The following SUPT3H variants were observed in gnomAD, a reference collection of about 807,000 sequenced individuals.
SUPT3H encodes the protein SPT3 homolog, SAGA and STAGA complex component.
SUPT3H carries 44 observed loss-of-function variants against 44.3 expected under a neutral mutation model. The ratio of observed to expected loss-of-function variants is 0.99; its 90% CI spans 0.78 to 1.28. The LOEUF (loss-of-function observed/expected upper bound fraction) is 1.28, where lower values mean the gene tolerates loss of function less well. Ranked by LOEUF, SUPT3H falls within the 50% of genes most tolerant of loss-of-function variation. The pLI, the probability that SUPT3H is intolerant of heterozygous loss-of-function variation, is 0.00. For missense variants in SUPT3H, 380 were observed against 387.1 expected, an observed-to-expected ratio of 0.98 and a Z score of 0.15; for synonymous variants, 124 against 125.6, an observed-to-expected ratio of 0.99 and a Z score of 0.09.
At chr6:44,887,487 T>A (rs1388153432) in intron 10 of SUPT3H, among the ~76,000 whole-genome samples, 18 of 152,142 alleles carry the variant, frequency 1.2e-4, no homozygotes, top group Admixed American at 1.0e-3. Flanking sequence ...CTCAAGTACA[T>A]GGAAACTGAA....
rs547930338 is a variant in SUPT3H at position 44,889,935 on chromosome 6, A to G, written c.912+42718T>C. On this transcript the variant is annotated intron_variant, in intron 10 of 10. Transcript: ENST00000371459. ...TTACAAGAAAAAAACAAACAACCCC[A>G]TCAAAAAGTGGGCGGACATGAACAG... Among the ~76,000 whole-genome samples the G allele has an allele frequency of 2.0e-3, 301 of 151,498 alleles. 3 individuals are homozygous for G. Among genetic ancestry groups the G allele is most frequent in the African/African-American group, 6.9e-3 (287 of 41,506 alleles).
chr6:44,896,616 T>C (rs1405281023), intron 10 of SUPT3H, among the ~76,000 whole-genome samples: 1 of 152,216 alleles, frequency 6.6e-6, no homozygotes, highest in Non-Finnish European at 1.5e-5. Context: ...ATTGGTTAAC[T>C]GCAGACGTCA....
intron 2 of SUPT3H, among the ~76,000 whole-genome samples, chr6:45,245,464 C>T (rs1036368576): frequency 3.3e-5 from 5 of 152,182 alleles, no homozygotes; most frequent in Middle Eastern, 3.4e-3. Context: ...CCTCCTCTAG[C>T]GCCTGGTAAT....
At chr6:44,991,056 T>C (rs1780548970) in intron 6 of SUPT3H, among the ~76,000 whole-genome samples, 1 of 151,992 alleles carries the variant, frequency 6.6e-6, no homozygotes, top group Non-Finnish European at 1.5e-5. Flanking sequence ...TAGTCATGAC[T>C]GTCTTCTACT....
At chr6:44,840,760 A>G (rs548236865) in intron 10 of SUPT3H, among the ~76,000 whole-genome samples, 2 of 152,324 alleles carry the variant, frequency 1.3e-5, no homozygotes, top group Middle Eastern at 3.4e-3. Context: ...TGATTTTGCT[A>G]ATTTATTCAA....
intron 10 of SUPT3H, among the ~76,000 whole-genome samples, chr6:44,877,468 CA>C (rs5875897): frequency 0.34 from 41,837 of 121,998 alleles, 5,841 homozygotes; most frequent in Admixed American, 0.41. Flanking sequence ...GACTCAGTCT[CA>C]AAAAAAAAAA....
intron 2 of SUPT3H, among the ~76,000 whole-genome samples, chr6:45,184,646 G>T (rs1813856334): frequency 1.3e-5 from 2 of 151,902 alleles, no homozygotes; most frequent in South Asian, 4.2e-4. Flanking sequence ...AAAGAAGGCT[G>T]GCTGCCTAGG....
At chr6:45,092,982 C>T (rs1797337130) in intron 3 of SUPT3H, among the ~76,000 whole-genome samples, 1 of 151,980 alleles carries the variant, frequency 6.6e-6, no homozygotes, top group African/African-American at 2.4e-5. Flanking sequence ...TGTTCCCTAA[C>T]ACAATGTAGT....
chr6:44,945,691 G>A (rs556205418), intron 9 of SUPT3H, among the ~76,000 whole-genome samples: 2 of 152,028 alleles, frequency 1.3e-5, no homozygotes, highest in East Asian at 3.9e-4. Context: ...CAAAAGAAAA[G>A]TTAGAGGCTA....
At chr6:45,286,124 C>A (rs924508131) in intron 2 of SUPT3H, among the ~76,000 whole-genome samples, 15 of 151,608 alleles carry the variant, frequency 9.9e-5, no homozygotes, top group East Asian at 1.9e-4. Flanking sequence ...TAAATGTTAG[C>A]CCTAAAACCA....
At chr6:45,127,120 C>A (rs1802560893) in intron 2 of SUPT3H, among the ~76,000 whole-genome samples, 1 of 152,086 alleles carries the variant, frequency 6.6e-6, no homozygotes, top group Non-Finnish European at 1.5e-5. Context: ...TCGAGACCAG[C>A]CTGACCAACA....
chr6:44,834,179 T>C (rs1769384992), intron 10 of SUPT3H, among the ~76,000 whole-genome samples: 1 of 152,102 alleles, frequency 6.6e-6, no homozygotes, highest in Non-Finnish European at 1.5e-5. Context: ...AGTGGTAAAA[T>C]GGATGAGGAG....
At chr6:44,933,157 A>G (rs758721381) in intron 9 of SUPT3H, among the ~76,000 whole-genome samples, 7 of 152,184 alleles carry the variant, frequency 4.6e-5, no homozygotes, top group Non-Finnish European at 1.0e-4. Flanking sequence ...TCTTTGGCAC[A>G]TTTCTGAAAT....
intron 2 of SUPT3H, among the ~76,000 whole-genome samples, chr6:45,142,230 C>T (rs866299981): frequency 6.6e-6 from 1 of 152,116 alleles, no homozygotes; most frequent in Non-Finnish European, 1.5e-5. Flanking sequence ...GCCAGCACTA[C>T]AAGAAATGCT....
intron 2 of SUPT3H, among the ~76,000 whole-genome samples, chr6:45,262,435 G>C (rs1035973439): frequency 6.6e-6 from 1 of 152,016 alleles, no homozygotes; most frequent in Non-Finnish European, 1.5e-5. Context: ...TCAATGAACA[G>C]TATATGATAA....
intron 2 of SUPT3H, among the ~76,000 whole-genome samples, chr6:45,212,749 C>T (rs1355467851): frequency 2.0e-5 from 3 of 152,156 alleles, no homozygotes. Context: ...ATAACCTTCC[C>T]TCACAGTTCT....
chr6:45,003,657 ATTCT>A lies in SUPT3H; in HGVS notation c.496_499del (p.Arg166TrpfsTer25). ...AAAGGGAAGAATGTACTATACCTCC[ATTCT>A]TTCTTGTTTAACTTCATCAATTTCG... is the stretch of plus-strand genomic sequence containing the variant. On this transcript the variant is annotated frameshift_variant, in exon 6 of 11. Coordinates refer to ENST00000371459, the MANE Select transcript of SUPT3H (RefSeq NM_003599.4). LOFTEE classifies it high-confidence loss of function. The A allele has an allele frequency of 6.2e-7, 1 of 1,613,436 alleles. No individual in the cohort carries two copies. Among genetic ancestry groups the A allele is most frequent in the Non-Finnish European group, 8.5e-7 (1 of 1,179,638 alleles).
At chr6:45,152,563 C>T (rs116407217) in intron 2 of SUPT3H, among the ~76,000 whole-genome samples, 175 of 152,290 alleles carry the variant, frequency 1.1e-3, no homozygotes, top group African/African-American at 4.0e-3. Context: ...CCTATCTCAG[C>T]TCACTGCAAC....
At chr6:45,224,590 C>T (rs1562732081) in intron 2 of SUPT3H, among the ~76,000 whole-genome samples, 1 of 152,002 alleles carries the variant, frequency 6.6e-6, no homozygotes, top group Non-Finnish European at 1.5e-5. Context: ...CCAGCCTGGC[C>T]AAGATGGTGA....
Sources: allele counts gnomAD v4.1 joint callset (sites outside exome capture counted in the v4.1 genomes callset), GRCh38; gene constraint gnomAD v4.1.1; transcripts MANE v1.5; gene names NCBI Gene and HGNC (gene_info 2026-07-23, HGNC 2026-07-21).